The following MCM2 variants were observed in gnomAD, a reference collection of about 807,000 sequenced individuals.
The protein encoded by MCM2 is minichromosome maintenance complex component 2, also known as DNA replication licensing factor MCM2.
MCM2 carries 49 observed loss-of-function variants against 86.4 expected under a neutral mutation model. The ratio of observed to expected loss-of-function variants is 0.57; its 90% confidence interval spans 0.45 to 0.72. MCM2 has a LOEUF of 0.72. Among genes scored for constraint, MCM2 ranks in the 30% least tolerant of loss-of-function variants. The pLI is 0.00. For missense variants in MCM2, 1,038 were observed against 1,259.9 expected (o/e 0.82, Z 2.67); for synonymous variants, 475 against 484.6 (o/e 0.98, Z 0.26).
intron 8 of MCM2, among the ~76,000 whole-genome samples, chr3:127,614,406 C>G (rs772370603): frequency 2.6e-4 from 39 of 152,282 alleles, no homozygotes; most frequent in Admixed American, 2.4e-3. Flanking sequence ...TTCTTGGAGT[C>G]ATTATCCAAA....
chr3:127,621,132 G>C lies in MCM2; in HGVS notation c.2508G>C (p.Leu836=). 1 of 1,614,248 alleles carries C rather than the reference G, an allele frequency of 6.2e-7. No individual in the cohort carries two copies. Among genetic ancestry groups the C allele is most frequent in the East Asian group, 2.2e-5 (1 of 44,890 alleles). The change falls in exon 15 of 16, where the codon CTG becomes CTC. Residue 836 remains leucine (L), a synonymous_variant. Transcript: ENST00000265056. ...ACAATGAGCTGTTGCTCTTCATACT[G>C]AAGCAGTTAGTGGCAGAGCAGGTGA... ...RDNNELLLFI[L]KQLVAEQVTY...
intron 14 of MCM2, 33 bp downstream of exon 14, chr3:127,620,913 C>A: frequency 2.5e-6 from 4 of 1,581,318 alleles, no homozygotes; most frequent in Non-Finnish European, 3.4e-6. Flanking sequence ...GCCTGATGGG[C>A]AAGCTCAGTG....
chr3:127,608,917 C>T lies in MCM2; in HGVS notation c.1322C>T (p.Ala441Val). 2 of 1,614,122 alleles carry T rather than the reference C, an allele frequency of 1.2e-6. No homozygotes were observed. Among genetic ancestry groups the T allele is most frequent in the Non-Finnish European group, 8.5e-7 (1 of 1,180,036 alleles). The change falls in exon 8 of 16, where the codon GCC becomes GTC. Residue 441 changes from alanine to valine, a missense_variant. Around this residue, in one of 4 missense-constraint regions of MCM2, gnomAD observed 399 missense variants for 507.2 expected, o/e 0.79. Transcript: ENST00000265056. ...CCTGTCTTTGCCACTGTCATCCTAG[C>T]CAACCACGTGGCCAAGAAGGACAAC... Reference protein sequence around the residue: ...GFPVFATVILANHVAKKDNKV... With the variant: ...GFPVFATVILVNHVAKKDNKV...
chr3:127,621,030 G>A, intron 14 of MCM2, 43 bp from the exon 15 acceptor site: 2 of 1,607,126 alleles, frequency 1.2e-6, no homozygotes, highest in Non-Finnish European at 1.7e-6. Context: ...AGTGTGGCAG[G>A]CGTAGTGGGA....
chr3:127,616,812 C>T, intron 9 of MCM2, 56 bp from the exon 10 acceptor site: 1 of 1,576,034 alleles, frequency 6.3e-7, no homozygotes, highest in Non-Finnish European at 8.7e-7. Context: ...GCAACTGTGC[C>T]CTCCTCCTCT....
chr3:127,620,765 C>T lies in MCM2; in HGVS notation c.2333C>T (p.Ala778Val), dbSNP rs760184067. The T allele has an allele frequency of 6.2e-6, 10 of 1,614,048 alleles. No individual in the cohort carries two copies. The highest frequency in any genetic ancestry group is 3.3e-5 in the South Asian group (3 of 91,048). The change falls in exon 14 of 16, where the codon GCG becomes GTG. Residue 778 changes from alanine to valine, a missense_variant. Coordinates refer to ENST00000265056, the MANE Select transcript of MCM2 (RefSeq NM_004526.4). ...ATGATCCGCATGGCGGAGGCCCACG[C>T]GCGCATCCATCTGCGGGACTATGTG... ...ESMIRMAEAH[A>V]RIHLRDYVIE...
intron 9 of MCM2, among the ~76,000 whole-genome samples, chr3:127,616,357 T>C (rs1211727454): frequency 6.6e-6 from 1 of 152,172 alleles, no homozygotes; most frequent in Non-Finnish European, 1.5e-5. Flanking sequence ...CCACTTCTCT[T>C]CCTAGTCCCT....
rs2074299330 is a variant in MCM2, at chr3:127,600,406, T to C, written c.236+859T>C. On this transcript the variant is annotated intron_variant, in intron 2 of 15. Coordinates refer to ENST00000265056, the MANE Select transcript of MCM2 (RefSeq NM_004526.4). ...GCATTTCCAGCTGCGATCTGGTAGA[T>C]AACGTCAGTAGCGGAATTGTGTGAA... 2.6e-5 allele frequency among the ~76,000 whole-genome samples: 4 copies of C among 152,208 alleles called. No individual in the cohort carries two copies. The South Asian group carries it at 8.3e-4, about 32-fold the overall frequency.
At chr3:127,611,315 C>T (rs1369553962) in intron 8 of MCM2, among the ~76,000 whole-genome samples, 2 of 152,210 alleles carry the variant, frequency 1.3e-5, no homozygotes, top group South Asian at 2.1e-4. Flanking sequence ...GTGCCTACCA[C>T]GCCAAAGGAG....
rs201744525 is a variant in MCM2 at position 127,602,162 on chromosome 3, C to CTTT, written c.237-2428_237-2426dup. Reference sequence around the variant, plus strand: ...TGAAATTTGATGAAGTCCAGTTTAACTTTTTTTTTTTTTTTTTTTTGTATG... The same window carrying CTTT: ...TGAAATTTGATGAAGTCCAGTTTAACTTTTTTTTTTTTTTTTTTTTTTTGTATG... On this transcript the variant is annotated intron_variant, in intron 2 of 15. Coordinates refer to ENST00000265056, the MANE Select transcript of MCM2 (RefSeq NM_004526.4). 7.6e-4 allele frequency among the ~76,000 whole-genome samples: 97 copies of CTTT among 127,926 alleles called. 1 individual carries two copies. The highest frequency in any genetic ancestry group is 2.6e-3 in the African/African-American group (89 of 34,128). 83.9% of individuals were successfully genotyped at this position (127,926 alleles called of 152,430 possible).
intron 7 of MCM2, 72 bp from the exon 8 acceptor site, chr3:127,608,760 C>G: frequency 6.7e-7 from 1 of 1,492,368 alleles, no homozygotes; most frequent in Non-Finnish European, 9.2e-7. Context: ...ATAGGAGAAA[C>G]TGGAGGAAGG....
chr3:127,604,627 G>T lies in MCM2; in HGVS notation c.256G>T (p.Glu86Ter). The change falls in exon 3 of 16, where the codon GAG becomes TAG. Residue 86 changes from glutamate to a stop codon, truncating the protein, a stop_gained. Transcript: ENST00000265056. LOFTEE classifies it high-confidence loss of function. The stretch of plus-strand genomic sequence containing the variant: ...CCTCAGGGACTACCGCGCCATCCCA[G>T]AGCTGGACGCCTATGAGGCCGAGGG... The part of the protein sequence containing the change: ...GMERDYRAIP[E>*]LDAYEAEGLA... 1 of 1,613,310 alleles carries T rather than the reference G, an allele frequency of 6.2e-7. No individual in the cohort carries two copies. The highest frequency in any genetic ancestry group is 8.5e-7 in the Non-Finnish European group (1 of 1,180,028).
Position 127,616,555 on chromosome 3 carries a change from C to T in MCM2, c.1523-313C>T, listed in dbSNP as rs73861537. Among the ~76,000 whole-genome samples, 227 of 152,332 alleles carry T rather than the reference C, an allele frequency of 1.5e-3. 1 individual carries two copies. Among genetic ancestry groups the T allele is most frequent in the African/African-American group, 5.4e-3 (223 of 41,560 alleles). ...TTGTTAGTGCATACAGAGCAATTGC[C>T]TTCTTTTAAATGACTATCATGCCAC... is the stretch of plus-strand genomic sequence containing the variant. On this transcript the variant is annotated intron_variant, in intron 9 of 15. Transcript: ENST00000265056.
Position 127,619,282 on chromosome 3 carries a change from A to G in MCM2, c.2265+4A>G. ...TGACCTGAGGAAAGAATCTATGGTG[A>G]GAGCCCAGGCAGAGCCGGGAGGTGC... is the stretch of plus-strand genomic sequence containing the variant. On this transcript the variant is annotated splice_donor_region_variant and intron_variant, in intron 13 of 15. Coordinates refer to ENST00000265056, the MANE Select transcript of MCM2 (RefSeq NM_004526.4). 1 of 1,611,132 alleles carries G rather than the reference A, an allele frequency of 6.2e-7. No homozygotes were observed. The highest frequency in any genetic ancestry group is 1.1e-5 in the South Asian group (1 of 91,050).
intron 8 of MCM2, among the ~76,000 whole-genome samples, chr3:127,613,192 A>G (rs987382407): frequency 1.3e-5 from 2 of 152,176 alleles, no homozygotes; most frequent in African/African-American, 4.8e-5. Context: ...GCAAGCAGGA[A>G]GCTCTTGGCC....
Position 127,620,720 on chromosome 3 carries a change from C to T in MCM2, c.2288C>T (p.Thr763Met), listed in dbSNP as rs757604548. The change falls in exon 14 of 16, where the codon ACG (threonine) becomes ATG (methionine). Residue 763 changes from threonine (T) to methionine (M), a missense_variant. Coordinates refer to ENST00000265056, the MANE Select transcript of MCM2 (RefSeq NM_004526.4). ...CAGGCGACAGGCAGCATCCCCATTA[C>T]GGTGCGGCACATCGAGTCCATGATC... ...ESMATGSIPITVRHIESMIRM... is the reference protein window; with the variant it reads ...ESMATGSIPIMVRHIESMIRM... 12 of 1,604,466 alleles carry T rather than the reference C, an allele frequency of 7.5e-6. No individual in the cohort carries two copies. Among genetic ancestry groups the T allele is most frequent in the East Asian group, 4.5e-5 (2 of 44,648 alleles).
At position 127,615,852 on chromosome 3, in the gene MCM2, C is replaced by T. The variant is rs2107693790; in HGVS notation, c.1429-10C>T. The T allele has an allele frequency of 1.2e-6, 2 of 1,603,662 alleles. No individual in the cohort carries two copies. The highest frequency in any genetic ancestry group is 1.7e-6 in the Non-Finnish European group (2 of 1,170,572). On this transcript the variant is annotated splice_polypyrimidine_tract_variant and intron_variant, in intron 8 of 15. Coordinates refer to ENST00000265056, the MANE Select transcript of MCM2 (RefSeq NM_004526.4). The stretch of plus-strand genomic sequence containing the variant: ...GTTCCCATTCTTGTCGGTCTCCCTC[C>T]CTTTCTCAGATCTTTGCCAGCATTG...
intron 1 of MCM2, chr3:127,599,094 G>A: frequency 1.7e-6 from 1 of 585,740 alleles, no homozygotes; most frequent in African/African-American, 1.9e-5. Flanking sequence ...ATTTGAGCTG[G>A]CTTCTATTTG....
At position 127,606,415 on chromosome 3, in the gene MCM2, G is replaced by A; in HGVS notation, c.893+78G>A. 1 of 1,458,966 alleles carries A rather than the reference G, an allele frequency of 6.9e-7. No homozygotes were observed. The highest frequency in any genetic ancestry group is 9.5e-7 in the Non-Finnish European group (1 of 1,056,138). 90.4% of individuals were successfully genotyped at this position (1,458,966 alleles called of 1,614,324 possible). A position where few individuals can be genotyped will look rare whatever the true frequency, so the allele number is the denominator to read the frequency against. On this transcript the variant is annotated intron_variant, in intron 5 of 15. Transcript: ENST00000265056. The surrounding 1 kb of genome is among the most constrained non-coding windows in gnomAD (Gnocchi z 4.2). ...CGGTCGTGATTCCTGAAGAGCGATT[G>A]TGGTGTGGGCGGGGAGGGTGCAGCC...
Sources: allele counts gnomAD v4.1 joint callset (sites outside exome capture counted in the v4.1 genomes callset), GRCh38; gene constraint gnomAD v4.1.1; regional missense constraint gnomAD v4.1.1; non-coding constraint Gnocchi (gnomAD v3.1); transcripts MANE v1.5; gene names NCBI Gene and HGNC (gene_info 2026-07-23, HGNC 2026-07-21).